ATOSA: variants seen among roughly 807,000 people sequenced by gnomAD.
The protein encoded by ATOSA is atos homolog A, also known as atos homolog protein A.
At chr15:52,582,024 C>A in the ATOSA span, 1 of 683,448 alleles carries the variant, frequency 1.5e-6, no homozygotes, top group Admixed American at 4.2e-5. Flanking sequence ...GGAATCCTTT[C>A]ATAAAAACTG....
the ATOSA span, among the ~76,000 whole-genome samples, chr15:52,691,856 AAG>A: frequency 1.0e-3 from 22 of 21,238 alleles, no homozygotes; most frequent in Non-Finnish European, 2.8e-3. Flanking sequence ...ATAAATAAAT[AAG>A]AAAAAGAAAA....
chr15:52,605,159 T>A, the ATOSA span: 1 of 1,609,566 alleles, frequency 6.2e-7, no homozygotes, highest in African/African-American at 1.3e-5. Context: ...GGCAATCCAG[T>A]TTGAGGATGA....
chr15:52,604,064 T>C, the ATOSA span, among the ~76,000 whole-genome samples: 1 of 152,242 alleles, frequency 6.6e-6, no homozygotes, highest in African/African-American at 2.4e-5. Context: ...ACACATTGTA[T>C]GCCTGTATCA....
the ATOSA span, among the ~76,000 whole-genome samples, chr15:52,699,205 G>A: frequency 2.0e-5 from 3 of 152,222 alleles, no homozygotes; most frequent in East Asian, 3.9e-4. Context: ...ATCAGTACCT[G>A]TTTTGTTTAC....
chr15:52,596,112 C>T, the ATOSA span, among the ~76,000 whole-genome samples: 1 of 151,610 alleles, frequency 6.6e-6, no homozygotes, highest in Non-Finnish European at 1.5e-5. Flanking sequence ...AAGTCCCTAC[C>T]CCTATTAAAA....
the ATOSA span, chr15:52,609,233 GTAC>G: frequency 1.2e-6 from 2 of 1,612,148 alleles, no homozygotes; most frequent in South Asian, 2.2e-5. Flanking sequence ...CATTTATTAG[GTAC>G]TAAGTTTTTC....
At chr15:52,619,832 A>AAAAAG in the ATOSA span, among the ~76,000 whole-genome samples, 445 of 148,690 alleles carry the variant, frequency 3.0e-3, 2 homozygotes, top group East Asian at 0.01. Flanking sequence ...GTCTTAAAAA[A>AAAAAG]AAAAGAAAAG....
At chr15:52,672,172 C>CAAAAAAAAAAAAAAAAAA in the ATOSA span, among the ~76,000 whole-genome samples, 199 of 62,562 alleles carry the variant, frequency 3.2e-3, 25 homozygotes, top group African/African-American at 0.013. Flanking sequence ...CCCCATTTCT[C>CAAAAAAAAAAAAAAAAAA]AAAAAAAAAA....
chr15:52,651,678 G>A, the ATOSA span, among the ~76,000 whole-genome samples: 1,359 of 152,140 alleles, frequency 8.9e-3, 13 homozygotes, highest in African/African-American at 0.023. Context: ...TTTCAGTACT[G>A]CTGTTCAAAG....
the ATOSA span, among the ~76,000 whole-genome samples, chr15:52,643,063 C>A: frequency 6.6e-6 from 1 of 152,222 alleles, no homozygotes; most frequent in African/African-American, 2.4e-5. Context: ...CCACAAGATG[C>A]CCCACCCTCT....
the ATOSA span, among the ~76,000 whole-genome samples, chr15:52,607,520 G>A: frequency 6.6e-6 from 1 of 152,184 alleles, no homozygotes; most frequent in Admixed American, 6.5e-5. Context: ...TAGGAGTCAA[G>A]AGACTGGGGT....
the ATOSA span, among the ~76,000 whole-genome samples, chr15:52,588,519 AC>A: frequency 4.6e-5 from 7 of 152,054 alleles, no homozygotes; most frequent in African/African-American, 1.7e-4. Context: ...GCTCACTGCA[AC>A]CCTTGCCTCC....
At chr15:52,605,201 G>GA in the ATOSA span, 1 of 1,611,390 alleles carries the variant, frequency 6.2e-7, no homozygotes, top group East Asian at 2.2e-5. Context: ...TCCAAGGAAT[G>GA]AAAATTATGT....
At chr15:52,656,696 A>T in the ATOSA span, 2 of 152,108 alleles carry the variant, frequency 1.3e-5, no homozygotes, top group Non-Finnish European at 2.9e-5. Flanking sequence ...TTTATAAGCT[A>T]AGCTACTGGA....
At chr15:52,663,903 A>G in the ATOSA span, among the ~76,000 whole-genome samples, 1 of 152,162 alleles carries the variant, frequency 6.6e-6, no homozygotes, top group African/African-American at 2.4e-5. Flanking sequence ...CCTTAGTGAG[A>G]TATCAAAAAA....
At chr15:52,593,525 G>T in the ATOSA span, 7 of 1,471,600 alleles carry the variant, frequency 4.8e-6, no homozygotes, top group Non-Finnish European at 5.5e-6. Flanking sequence ...ACTTAAATTT[G>T]TCATTAAGTT....
At chr15:52,656,421 C>T in the ATOSA span, 2 of 151,992 alleles carry the variant, frequency 1.3e-5, no homozygotes, top group Non-Finnish European at 2.9e-5. Flanking sequence ...TAACAAGGTA[C>T]AAATAAACCA....
chr15:52,645,319 A>C, the ATOSA span, among the ~76,000 whole-genome samples: 1 of 152,254 alleles, frequency 6.6e-6, no homozygotes, highest in Non-Finnish European at 1.5e-5. Context: ...CATGCTTGTA[A>C]TCCCAGCTAC....
At chr15:52,600,186 G>T in the ATOSA span, 4 of 1,612,102 alleles carry the variant, frequency 2.5e-6, no homozygotes, top group South Asian at 3.3e-5. Context: ...CTCAAAAATG[G>T]TTTTTCATGA....
Sources: gnomAD v4.1 joint callset for allele counts (sites outside exome capture counted in the v4.1 genomes callset) on GRCh38, gnomAD v4.1.1 for gene constraint, MANE v1.5 for transcripts, NCBI Gene and HGNC (gene_info 2026-07-23, HGNC 2026-07-21) for gene names.